The following ZNF560 variants were observed in gnomAD, a reference collection of about 807,000 sequenced individuals.
ZNF560 encodes zinc finger protein 560.
ZNF560 carries 54 observed loss-of-function variants against 81.8 expected under a neutral mutation model. The ratio of observed to expected loss-of-function variants is 0.66; its 90% CI spans 0.53 to 0.83. The LOEUF is 0.83. Ranked by LOEUF, ZNF560 falls within the 40% of genes least tolerant of loss-of-function variation. The probability of loss-of-function intolerance (pLI) is 0.00; values close to 1 mark genes in which losing one functional copy is unlikely to be tolerated. For synonymous variants in ZNF560, 321 were observed against 317.9 expected, an observed-to-expected ratio of 1.01 and a Z score of -0.10; for missense variants, 940 against 932.4, an observed-to-expected ratio of 1.01 and a Z score of -0.11.
chr19:9,461,653 A>C (rs1301328407), downstream of ZNF560, among the ~76,000 whole-genome samples: 2 of 152,170 alleles, frequency 1.3e-5, no homozygotes, highest in Non-Finnish European at 2.9e-5. Context: ...ATGATCTCCA[A>C]CCAACTGTAA....
chr19:9,458,405 T>A, the ZNF560 span, among the ~76,000 whole-genome samples: 9 of 152,194 alleles, frequency 5.9e-5, no homozygotes, highest in Non-Finnish European at 8.8e-5. Flanking sequence ...AAAGGTAAAG[T>A]TTTTCAGACG....
chr19:9,488,625 A>G (rs990283445), intron 2 of ZNF560, among the ~76,000 whole-genome samples: 3 of 149,654 alleles, frequency 2.0e-5, no homozygotes, highest in African/African-American at 7.5e-5. Context: ...CAACAAAAAA[A>G]TTCCAACTCT....
At chr19:9,488,459 T>C (rs10415511) in intron 2 of ZNF560, among the ~76,000 whole-genome samples, 7,324 of 152,130 alleles carry the variant, frequency 0.048, 605 homozygotes, top group African/African-American at 0.17. Flanking sequence ...CTTGAAATTT[T>C]TGTGACAATC....
At chr19:9,491,273 A>C (rs929413035) in intron 2 of ZNF560, among the ~76,000 whole-genome samples, 2 of 151,950 alleles carry the variant, frequency 1.3e-5, no homozygotes, top group Non-Finnish European at 2.9e-5. Context: ...TTACTACACC[A>C]GGTAATTTTT....
chr19:9,478,296 C>T (rs938215175), intron 2 of ZNF560, among the ~76,000 whole-genome samples: 6 of 152,054 alleles, frequency 3.9e-5, no homozygotes, highest in Non-Finnish European at 8.8e-5. Context: ...ACAAAGAATA[C>T]CATACCCAGC....
intron 2 of ZNF560, among the ~76,000 whole-genome samples, chr19:9,484,435 G>A (rs1489980476): frequency 6.6e-6 from 1 of 152,074 alleles, no homozygotes; most frequent in Non-Finnish European, 1.5e-5. Flanking sequence ...AATGTGAAGT[G>A]CACACCAGAT....
At chr19:9,472,224 T>C (rs1288456684) in intron 5 of ZNF560, among the ~76,000 whole-genome samples, 1 of 152,056 alleles carries the variant, frequency 6.6e-6, no homozygotes, top group African/African-American at 2.4e-5. Flanking sequence ...TGGTGGGAGA[T>C]GTTTGGATCA....
At chr19:9,502,443 C>T (rs2073640731), upstream of ZNF560, among the ~76,000 whole-genome samples, 1 of 152,062 alleles carries the variant, frequency 6.6e-6, no homozygotes, top group African/African-American at 2.4e-5. Context: ...ATCTCTTTAC[C>T]TTGTGATTCA....
At chr19:9,483,679 G>T (rs1312111996) in intron 2 of ZNF560, among the ~76,000 whole-genome samples, 3 of 142,714 alleles carry the variant, frequency 2.1e-5, no homozygotes, top group African/African-American at 7.8e-5. Flanking sequence ...GGAGGTGGGG[G>T]GCGCCTCCGC....
chr19:9,453,848 A>T, the ZNF560 span, among the ~76,000 whole-genome samples: 2 of 152,242 alleles, frequency 1.3e-5, no homozygotes. Flanking sequence ...GGAAAGGAGA[A>T]AATACTCCAA....
chr19:9,469,949 T>C, intron 7 of ZNF560: 1 of 488,976 alleles, frequency 2.0e-6, no homozygotes, highest in Non-Finnish European at 3.6e-6. Flanking sequence ...GCACTTTTTC[T>C]TTCTAAATGG....
the ZNF560 span, among the ~76,000 whole-genome samples, chr19:9,461,235 T>G: frequency 7.2e-5 from 11 of 152,200 alleles, no homozygotes; most frequent in African/African-American, 2.7e-4. Context: ...TTGTTGGTAA[T>G]GGGCGATCTA....
chr19:9,470,348 T>C, intron 7 of ZNF560, 44 bp downstream of exon 7: 1 of 1,566,922 alleles, frequency 6.4e-7, no homozygotes, highest in Non-Finnish European at 8.6e-7. Flanking sequence ...ACATAATTTG[T>C]ATCTTGTTCC....
intron 2 of ZNF560, among the ~76,000 whole-genome samples, chr19:9,483,510 CA>C (rs2073330920): frequency 6.7e-6 from 1 of 149,906 alleles, no homozygotes; most frequent in African/African-American, 2.4e-5. Flanking sequence ...CCCGCCCGGC[CA>C]GCCGCCCCGT....
At position 9,467,765 on chromosome 19, in the gene ZNF560, A is replaced by G. The variant is rs778415337; in HGVS notation, c.1182T>C (p.His394=). The G allele has an allele frequency of 1.9e-6, 3 of 1,614,194 alleles. No homozygotes were observed. Among genetic ancestry groups the G allele is most frequent in the South Asian group, 1.1e-5 (1 of 91,084 alleles). ...GCTTCTCTCCAGTGTGAGTTCGTAC[A>G]TGTTCAAGAAAGCCTGACGGCACAG... ...TFTVPSGFLE[H]VRTHTGEKPY... is the part of the protein sequence containing the mutation. Residue 394 remains histidine (H), a synonymous_variant, in exon 10 of 10, where the codon CAT becomes CAC. Coordinates refer to ENST00000301480, the MANE Select transcript of ZNF560 (RefSeq NM_152476.3).
chr19:9,465,129 AT>A (rs887659069), downstream of ZNF560, among the ~76,000 whole-genome samples: 1,138 of 129,498 alleles, frequency 8.8e-3, 6 homozygotes, highest in Middle Eastern at 0.021. Flanking sequence ...AAAGCTATTG[AT>A]TTTTTTTTTT....
At chr19:9,504,001 G>A in the ZNF560 span, among the ~76,000 whole-genome samples, 2 of 152,080 alleles carry the variant, frequency 1.3e-5, no homozygotes, top group African/African-American at 4.8e-5. Flanking sequence ...CTTGTAATTT[G>A]TTCTTGATCT....
At position 9,474,438 on chromosome 19, in the gene ZNF560, T is replaced by C. The variant is rs551004690; in HGVS notation, c.31-113A>G. 1.7e-4 allele frequency: 208 copies of C among 1,219,982 alleles called. 1 individual carries two copies. The African/African-American group carries it at 2.9e-3, about 17-fold the overall frequency. The allele number at this position is 1,219,982 out of a possible 1,614,324, so 75.6% of individuals were successfully genotyped here. A position where few individuals can be genotyped will look rare whatever the true frequency, so the allele number is the denominator to read the frequency against. Reference sequence around the variant, plus strand: ...TAAAGAGTTGTGAGGTCTCTCATTATCTACCCAAAGCTTAATAATCCCAGG... The same window carrying C: ...TAAAGAGTTGTGAGGTCTCTCATTACCTACCCAAAGCTTAATAATCCCAGG... On this transcript the variant is annotated intron_variant, in intron 3 of 9. Transcript: ENST00000301480.
In ZNF560 at chr19:9,467,635, C is replaced by A. The variant is rs1384739022; in HGVS notation, c.1312G>T (p.Gly438Trp). The A allele has an allele frequency of 6.2e-7, 1 of 1,614,082 alleles. No individual in the cohort carries two copies. The highest frequency in any genetic ancestry group is 8.5e-7 in the Non-Finnish European group (1 of 1,179,994). Residue 438 changes from glycine (G) to tryptophan (W), a missense_variant, in exon 10 of 10, where the codon GGG becomes TGG. Coordinates refer to ENST00000301480, the MANE Select transcript of ZNF560 (RefSeq NM_152476.3). ...REKTFKCDHC[G>W]KAFISYPSLF... is the part of the protein sequence containing the mutation. ...GATGGGTAAGAAATAAAGGCTTTCC[C>A]ACAGTGGTCACATTTAAAGGTTTTC...
Sources: gnomAD v4.1 joint callset for allele counts (sites outside exome capture counted in the v4.1 genomes callset) on GRCh38, gnomAD v4.1.1 for gene constraint, MANE v1.5 for transcripts, NCBI Gene and HGNC (gene_info 2026-07-23, HGNC 2026-07-21) for gene names.